Variants in GNB1 observed in about 807,000 individuals in gnomAD.
GNB1 encodes guanine nucleotide-binding protein G(I)/G(S)/G(T) subunit beta-1.
In GNB1, 2 loss-of-function variants were observed where a neutral mutation model predicts 42.9. That is an observed-to-expected ratio of 0.05 (90% CI 0.02 to 0.15). The LOEUF is 0.15. Ranked by LOEUF, GNB1 falls within the 10% of genes least tolerant of loss-of-function variation. The pLI is 1.00. For synonymous variants in GNB1, 183 were observed against 174.7 expected, an observed-to-expected ratio of 1.05 and a Z score of -0.38; for missense variants, 193 against 462.2, an observed-to-expected ratio of 0.42 and a Z score of 5.34.
intron 8 of GNB1, among the ~76,000 whole-genome samples, chr1:1,792,479 C>A (rs1228375320): frequency 6.6e-6 from 1 of 151,944 alleles, no homozygotes. Context: ...AGGCAGATCA[C>A]GAGGTCAACG....
chr1:1,868,495 A>G (rs1649066333), intron 1 of GNB1, among the ~76,000 whole-genome samples: 1 of 152,196 alleles, frequency 6.6e-6, no homozygotes, highest in Non-Finnish European at 1.5e-5. Flanking sequence ...TAAAAGTGAA[A>G]AAGTTAGCCG....
intron 7 of GNB1, among the ~76,000 whole-genome samples, chr1:1,798,747 G>A (rs1646581023): frequency 6.6e-6 from 1 of 152,188 alleles, no homozygotes; most frequent in African/African-American, 2.4e-5. Flanking sequence ...TTGTTGCCCA[G>A]GCTGGAGTGT....
At chr1:1,816,591 T>G (rs1378549121) in intron 4 of GNB1, among the ~76,000 whole-genome samples, 1 of 151,786 alleles carries the variant, frequency 6.6e-6, no homozygotes, top group Non-Finnish European at 1.5e-5. Flanking sequence ...GAAGTAGGAA[T>G]ATAGTTTTTC....
intron 5 of GNB1, among the ~76,000 whole-genome samples, chr1:1,809,591 G>C (rs1251278671): frequency 6.6e-6 from 1 of 152,196 alleles, no homozygotes; most frequent in Non-Finnish European, 1.5e-5. Flanking sequence ...TTTCTGTCGA[G>C]TATCAGAGCT....
chr1:1,864,308 C>T (rs1648790521), intron 1 of GNB1, among the ~76,000 whole-genome samples: 1 of 42,584 alleles, frequency 2.3e-5, no homozygotes, highest in South Asian at 8.1e-4. Context: ...AAGAGCAAGA[C>T]TCTCTCAAAA....
intron 7 of GNB1, among the ~76,000 whole-genome samples, chr1:1,802,851 T>C (rs934374341): frequency 6.6e-6 from 1 of 151,954 alleles, no homozygotes; most frequent in Non-Finnish European, 1.5e-5. Flanking sequence ...TTTAAGTGAT[T>C]CTATTTGAAA....
Position 1,850,396 on chromosome 1 carries a change from G to A in GNB1, c.-95-11158C>T, listed in dbSNP as rs375308156. ...ATCTGCCCACCTCGGCCTCCCCAAA[G>A]TGCTGGGATTACAAGGGTGAGCCAC... On this transcript the variant is annotated intron_variant, in intron 1 of 11. Coordinates refer to ENST00000378609, the MANE Select transcript of GNB1 (RefSeq NM_002074.5). Among the ~76,000 whole-genome samples, 39 of 152,126 alleles carry A rather than the reference G, an allele frequency of 2.6e-4. No homozygotes were observed. The East Asian group carries it at 5.8e-3, about 23-fold the overall frequency.
intron 2 of GNB1, among the ~76,000 whole-genome samples, chr1:1,831,259 T>C (rs6603796): frequency 0.93 from 141,950 of 152,058 alleles, 66,374 homozygotes; most frequent in Non-Finnish European, 0.96. Context: ...ATCGCTTGAG[T>C]CCAGGAGTTC....
Position 1,871,789 on chromosome 1 carries a change from G to T in GNB1, c.-96+19031C>A, listed in dbSNP as rs111755815. Among the ~76,000 whole-genome samples, 1,419 of 152,154 alleles carry T rather than the reference G, an allele frequency of 9.3e-3. 28 individuals carry two copies. The highest frequency in any genetic ancestry group is 0.033 in the African/African-American group (1,367 of 41,502). The stretch of plus-strand genomic sequence containing the variant: ...CCTCTACATGTGCAAAGCACACACA[G>T]AAATCATCCTGGCCTCCTTCCTTTC... On this transcript the variant is annotated intron_variant, in intron 1 of 11. Transcript: ENST00000378609.
At chr1:1,890,620 C>T (rs1650445380) in intron 1 of GNB1, among the ~76,000 whole-genome samples, 200 bp downstream of exon 1, 1 of 148,468 alleles carries the variant, frequency 6.7e-6, no homozygotes, top group Non-Finnish European at 1.5e-5. Context: ...TCCCTAGACC[C>T]CGCCCTCGAC....
At chr1:1,819,541 G>C (rs1483575221) in intron 3 of GNB1, among the ~76,000 whole-genome samples, 1 of 151,076 alleles carries the variant, frequency 6.6e-6, no homozygotes, top group African/African-American at 2.4e-5. Flanking sequence ...TTTAAACTAT[G>C]TATTTATTTA....
intron 1 of GNB1, among the ~76,000 whole-genome samples, chr1:1,881,628 G>A (rs1269926708): frequency 1.3e-5 from 2 of 152,068 alleles, no homozygotes; most frequent in Admixed American, 1.3e-4. Context: ...TCAAACTCCT[G>A]ACCTCAAGTG....
chr1:1,793,423 A>G (rs1381866262), intron 7 of GNB1, 112 bp from the exon 8 acceptor site: 1 of 663,152 alleles, frequency 1.5e-6, no homozygotes, highest in Non-Finnish European at 2.8e-6. Context: ...AGGTAAGACC[A>G]GCACCATGCT....
At chr1:1,867,568 C>A (rs1217087077) in intron 1 of GNB1, among the ~76,000 whole-genome samples, 1 of 152,158 alleles carries the variant, frequency 6.6e-6, no homozygotes, top group African/African-American at 2.4e-5. Context: ...TAAGCATTCT[C>A]TTATTTCTTC....
intron 2 of GNB1, among the ~76,000 whole-genome samples, chr1:1,837,572 T>A (rs1334946942): frequency 6.7e-6 from 1 of 149,936 alleles, no homozygotes; most frequent in Non-Finnish European, 1.5e-5. Flanking sequence ...TTTGTTTTTG[T>A]TTTTTTGACA....
chr1:1,864,640 A>G (rs1349367838), intron 1 of GNB1, among the ~76,000 whole-genome samples: 2 of 152,164 alleles, frequency 1.3e-5, no homozygotes, highest in Non-Finnish European at 2.9e-5. Flanking sequence ...GGGTCTTTAA[A>G]TCAAACTATA....
chr1:1,800,386 TAAAG>T (rs1340566525), intron 7 of GNB1, among the ~76,000 whole-genome samples: 1 of 152,100 alleles, frequency 6.6e-6, no homozygotes, highest in Non-Finnish European at 1.5e-5. Context: ...ATATCTGACA[TAAAG>T]AACCTGCTGG....
At chr1:1,816,771 CCT>C (rs901048456) in intron 4 of GNB1, among the ~76,000 whole-genome samples, 10 of 151,612 alleles carry the variant, frequency 6.6e-5, no homozygotes, top group South Asian at 6.2e-4. Flanking sequence ...GCCTCAGCCC[CCT>C]GAGTAGCTGG....
At chr1:1,832,717 G>A (rs1047923518) in intron 2 of GNB1, among the ~76,000 whole-genome samples, 5 of 152,232 alleles carry the variant, frequency 3.3e-5, no homozygotes, top group Admixed American at 3.3e-4. Context: ...GTGCCCTCAG[G>A]ACCCCATATT....
Sources: allele counts gnomAD v4.1 joint callset (sites outside exome capture counted in the v4.1 genomes callset), GRCh38; gene constraint gnomAD v4.1.1; transcripts MANE v1.5; gene names NCBI Gene and HGNC (gene_info 2026-07-23, HGNC 2026-07-21).